Variants in PCDH10 observed in about 807,000 individuals in gnomAD.
The protein encoded by PCDH10 is protocadherin 10.
PCDH10 carries 15 observed loss-of-function variants against 74.4 expected under a neutral mutation model. The ratio of observed to expected loss-of-function variants is 0.20; its 90% CI spans 0.13 to 0.31. The LOEUF is 0.31. Ranked by LOEUF, PCDH10 falls within the 10% of genes least tolerant of loss-of-function variation. The pLI is 1.00. For missense variants in PCDH10, 1,260 were observed against 1,390.2 expected (o/e 0.91, Z 1.49); for synonymous variants, 619 against 589.8 (o/e 1.05, Z -0.72).
At chr4:133,180,697 C>A (rs1161672291) in intron 4 of PCDH10, among the ~76,000 whole-genome samples, 1 of 151,740 alleles carries the variant, frequency 6.6e-6, no homozygotes, top group Non-Finnish European at 1.5e-5. Flanking sequence ...TATTGTAATA[C>A]TTTGCATAGA....
At chr4:133,200,079 T>A (rs955722845) in intron 2 of PCDH10, among the ~76,000 whole-genome samples, 9 of 151,930 alleles carry the variant, frequency 5.9e-5, no homozygotes, top group African/African-American at 2.2e-4. Flanking sequence ...ATTACAGGCG[T>A]GAGCCACCGC....
intron 4 of PCDH10, among the ~76,000 whole-genome samples, chr4:133,187,524 A>C (rs1042959727): frequency 6.6e-6 from 1 of 151,928 alleles, no homozygotes; most frequent in East Asian, 1.9e-4. Context: ...ATTAATTCTG[A>C]CCTTCGGAAC....
rs1727703229 is a variant in PCDH10, at chr4:133,192,596, C to A, written c.*2436C>A. On this transcript the variant is annotated 3_prime_UTR_variant, in exon 5 of 5. Coordinates refer to ENST00000264360, the MANE Select transcript of PCDH10 (RefSeq NM_032961.3). ...TGTGTATTAGTTATTTTCATATATC[C>A]TAGGAACTAGTTATACTAACTTACA... 6.6e-6 allele frequency: 1 copy of A among 151,274 alleles called. No individual in the cohort carries two copies. Among genetic ancestry groups the A allele is most frequent in the Non-Finnish European group, 1.5e-5 (1 of 67,520 alleles). 9.4% of individuals were successfully genotyped at this position (151,274 alleles called of 1,614,324 possible).
intron 4 of PCDH10, among the ~76,000 whole-genome samples, chr4:133,182,003 T>A (rs1727427541): frequency 6.6e-6 from 1 of 152,176 alleles, no homozygotes; most frequent in South Asian, 2.1e-4. Flanking sequence ...ATACATTAGC[T>A]ACGTGGCTAT....
At position 133,155,101 on chromosome 4, in the gene PCDH10, G is replaced by A. The variant is rs531074132; in HGVS notation, c.2797+78G>A. On this transcript the variant is annotated intron_variant, in intron 3 of 4. Transcript: ENST00000264360. ...TAAAAATAAACGTAGGAAGGATGAT[G>A]TCCTAGGCAATTTTCCATAGGTCTA... 4.2e-5 allele frequency: 40 copies of A among 951,062 alleles called. No homozygotes were observed. The African/African-American group carries it at 6.0e-4, about 14-fold the overall frequency. 58.9% of individuals were successfully genotyped at this position (951,062 alleles called of 1,614,324 possible). A position where few individuals can be genotyped will look rare whatever the true frequency, so the allele number is the denominator to read the frequency against.
At chr4:133,181,283 C>G (rs530259004) in intron 4 of PCDH10, among the ~76,000 whole-genome samples, 1 of 151,824 alleles carries the variant, frequency 6.6e-6, no homozygotes, top group South Asian at 2.1e-4. Context: ...TTCTAGATAA[C>G]TTAGTTTTTT....
chr4:133,178,623 C>T (rs192512389), intron 4 of PCDH10, among the ~76,000 whole-genome samples: 126 of 150,682 alleles, frequency 8.4e-4, no homozygotes, highest in African/African-American at 3.0e-3. Context: ...TGAAATGTGA[C>T]GGGTTATTTT....
In PCDH10 at chr4:133,205,640, T is replaced by G. The variant is rs1727984796; in HGVS notation, n.438-2436T>G. ...CTTCATCTTTTTGGCTCCTTCGTTA[T>G]TTGGATGCTGAACCTCCTCTACTTG... On this transcript the variant is annotated intron_variant and non_coding_transcript_variant, in intron 2 of 2. Transcript: ENST00000511112. Among the ~76,000 whole-genome samples the G allele has an allele frequency of 2.0e-5, 3 of 152,130 alleles. 1 individual carries two copies. The South Asian group carries it at 6.2e-4, about 32-fold the overall frequency.
At chr4:133,172,145 A>G (rs1249535769) in intron 4 of PCDH10, among the ~76,000 whole-genome samples, 1 of 152,034 alleles carries the variant, frequency 6.6e-6, no homozygotes, top group Non-Finnish European at 1.5e-5. Flanking sequence ...TGTTTCATCC[A>G]AACACTGATA....
At chr4:133,179,110 G>C (rs912203361) in intron 4 of PCDH10, among the ~76,000 whole-genome samples, 3 of 152,038 alleles carry the variant, frequency 2.0e-5, no homozygotes, top group Non-Finnish European at 4.4e-5. Context: ...GTTACATTTT[G>C]AAGATTTAAA....
chr4:133,166,284 C>T (rs1454223958), intron 4 of PCDH10, among the ~76,000 whole-genome samples: 1 of 151,474 alleles, frequency 6.6e-6, no homozygotes, highest in Non-Finnish European at 1.5e-5. Context: ...CTTTAATTTT[C>T]ATTAGCATAA....
intron 2 of PCDH10, among the ~76,000 whole-genome samples, chr4:133,205,741 T>A (rs1297194294): frequency 3.3e-5 from 5 of 152,112 alleles, no homozygotes; most frequent in African/African-American, 1.2e-4. Context: ...ATGTATCTAT[T>A]CCAAACCTCT....
At chr4:133,188,166 C>T (rs1336850988) in intron 4 of PCDH10, among the ~76,000 whole-genome samples, 2 of 152,018 alleles carry the variant, frequency 1.3e-5, no homozygotes, top group African/African-American at 4.8e-5. Flanking sequence ...CAATATTTTC[C>T]TGGGTTGTCC....
intron 4 of PCDH10, among the ~76,000 whole-genome samples, chr4:133,185,068 T>C (rs957484909): frequency 6.7e-6 from 1 of 148,446 alleles, no homozygotes; most frequent in Non-Finnish European, 1.5e-5. Context: ...GACAAAACAC[T>C]TTGAATATTA....
At chr4:133,164,457 A>G (rs1210556889) in intron 4 of PCDH10, among the ~76,000 whole-genome samples, 4 of 152,056 alleles carry the variant, frequency 2.6e-5, no homozygotes, top group Admixed American at 1.3e-4. Flanking sequence ...TAAACTAAGA[A>G]TGTACATTAT....
intron 3 of PCDH10, 144 bp downstream of exon 3, chr4:133,155,167 G>T: frequency 1.5e-6 from 1 of 654,612 alleles, no homozygotes; most frequent in Non-Finnish European, 2.7e-6. Flanking sequence ...ACTCTACTTT[G>T]ATATTTGCAG....
chr4:133,203,941 C>T (rs1455351735), intron 2 of PCDH10, among the ~76,000 whole-genome samples: 1 of 152,132 alleles, frequency 6.6e-6, no homozygotes, highest in Non-Finnish European at 1.5e-5. Context: ...TGCTGGTAAA[C>T]AGCAACACTA....
Position 133,152,056 on chromosome 4 carries a change from G to T in PCDH10, c.1916G>T (p.Arg639Leu), listed in dbSNP as rs1166023689. ...ATGGACTGGCGCACCGGGGAGCTGC[G>T]CACAGCACGCCGAGTCCCGGCCAAG... The part of the protein sequence containing the change: ...FRMDWRTGEL[R>L]TARRVPAKRD... The change falls in exon 1 of 5, where the codon CGC becomes CTC. Residue 639 changes from arginine (R) to leucine (L), a missense_variant. Arg to Leu is a moderately radical substitution (Grantham distance 102). This residue lies in a region of PCDH10 where 587 missense variants were observed against 616.9 expected (regional missense o/e 0.95). Transcript: ENST00000264360. The T allele has an allele frequency of 1.9e-6, 3 of 1,608,510 alleles. No homozygotes were observed. The highest frequency in any genetic ancestry group is 2.5e-6 in the Non-Finnish European group (3 of 1,177,738).
chr4:133,154,281 T>A, intron 1 of PCDH10, 26 bp from the exon 2 acceptor site: 2 of 1,541,380 alleles, frequency 1.3e-6, no homozygotes, highest in Non-Finnish European at 1.8e-6. Flanking sequence ...ATTCAAATGC[T>A]CTTGATTTAT....
Sources: allele counts gnomAD v4.1 joint callset (sites outside exome capture counted in the v4.1 genomes callset), GRCh38; gene constraint gnomAD v4.1.1; regional missense constraint gnomAD v4.1.1; transcripts MANE v1.5; gene names NCBI Gene and HGNC (gene_info 2026-07-23, HGNC 2026-07-21).